TRIM55: variants seen among roughly 807,000 people sequenced by gnomAD.
TRIM55 encodes tripartite motif containing 55, also known as tripartite motif-containing protein 55.
TRIM55 carries 50 observed loss-of-function variants against 60.9 expected under a neutral mutation model. The observed-to-expected ratio is 0.82, with a 90% CI of 0.65 to 1.04. TRIM55 has a LOEUF of 1.04. TRIM55 is among the 50% of genes least tolerant of loss of function. The probability of loss-of-function intolerance (pLI) is 0.00; values close to 1 mark genes in which losing one functional copy is unlikely to be tolerated. For synonymous variants in TRIM55, 237 were observed against 238.1 expected (o/e 1.00, Z 0.04); for missense variants, 681 against 666.9 (o/e 1.02, Z -0.23).
Position 66,174,657 on chromosome 8 carries a change from C to T in TRIM55, c.*64C>T. 6 of 1,472,800 alleles carry T rather than the reference C, an allele frequency of 4.1e-6. No individual in the cohort carries two copies. The highest frequency in any genetic ancestry group is 5.4e-6 in the Non-Finnish European group (6 of 1,114,348). 91.2% of individuals were successfully genotyped at this position (1,472,800 alleles called of 1,614,324 possible). A position where few individuals can be genotyped will look rare whatever the true frequency, so the allele number is the denominator to read the frequency against. On this transcript the variant is annotated 3_prime_UTR_variant, in exon 10 of 10. Transcript: ENST00000315962. ...AGATGCATGTGGGCAGCAGGAAGCC[C>T]AAGTGAAATTAATATTATGCAGATG...
chr8:66,155,700 T>C, intron 9 of TRIM55: 1 of 1,607,678 alleles, frequency 6.2e-7, no homozygotes, highest in East Asian at 2.2e-5. Context: ...GCTTGATTTT[T>C]ACTTTAATGG....
chr8:66,133,855 A>G (rs1809317102), intron 2 of TRIM55, among the ~76,000 whole-genome samples: 1 of 152,186 alleles, frequency 6.6e-6, no homozygotes, highest in African/African-American at 2.4e-5. Context: ...TTACAGTAGG[A>G]AGTGCATTTT....
intron 1 of TRIM55, among the ~76,000 whole-genome samples, chr8:66,127,825 ACT>A (rs1808904883): frequency 1.3e-5 from 2 of 152,148 alleles, no homozygotes; most frequent in South Asian, 2.1e-4. Context: ...ACAGAGCAAG[ACT>A]CTGTCTCAAA....
At position 66,141,240 on chromosome 8, in the gene TRIM55, CA is replaced by C. The variant is rs1400538940; in HGVS notation, c.603+4054del. Among the ~76,000 whole-genome samples the C allele has an allele frequency of 2.0e-5, 3 of 152,300 alleles. No homozygotes were observed. The East Asian group carries it at 5.8e-4, about 29-fold the overall frequency. ...AAGGATTTGAGAATGCCTATAGTTG[CA>C]AAAGGGTGGTTTGAAAGGGGGAGTG... is the stretch of plus-strand genomic sequence containing the variant. On this transcript the variant is annotated intron_variant, in intron 4 of 9. Transcript: ENST00000315962.
chr8:66,141,655 G>C (rs551600144), intron 4 of TRIM55, among the ~76,000 whole-genome samples: 1 of 152,300 alleles, frequency 6.6e-6, no homozygotes, highest in African/African-American at 2.4e-5. Context: ...GTTAATACTG[G>C]CCATCCCAAA....
chr8:66,147,158 C>G (rs1203813034), intron 4 of TRIM55, among the ~76,000 whole-genome samples: 1 of 152,228 alleles, frequency 6.6e-6, no homozygotes, highest in Non-Finnish European at 1.5e-5. Context: ...TCTCAGTGAA[C>G]TGTGAGCTCC....
chr8:66,152,491 CAGG>C lies in TRIM55; in HGVS notation c.1103_1105del (p.Gly368del). The C allele has an allele frequency of 6.2e-7, 1 of 1,614,056 alleles. No individual in the cohort carries two copies. Among genetic ancestry groups the C allele is most frequent in the Non-Finnish European group, 8.5e-7 (1 of 1,180,008 alleles). On this transcript the variant is annotated inframe_deletion, in exon 8 of 10. Coordinates refer to ENST00000315962, the MANE Select transcript of TRIM55 (RefSeq NM_184085.2). ...GTAGAAAATGTTCAAACAGAGTTTC[CAGG>C]AGAAGATGAAAACCCAGAAAAAGCT...
At chr8:66,135,248 A>C in intron 3 of TRIM55, 93 bp downstream of exon 3, 1 of 1,427,692 alleles carries the variant, frequency 7.0e-7, no homozygotes, top group Non-Finnish European at 9.8e-7. Context: ...CCTGCGGTGG[A>C]GGAGGAAGCC....
intron 9 of TRIM55, among the ~76,000 whole-genome samples, chr8:66,170,370 A>G (rs1460855136): frequency 1.3e-5 from 2 of 152,224 alleles, no homozygotes; most frequent in African/African-American, 2.4e-5. Context: ...TTCACTTAGC[A>G]TAAGGTCCTC....
intron 9 of TRIM55, among the ~76,000 whole-genome samples, chr8:66,168,146 A>G (rs996301142): frequency 2.7e-4 from 41 of 152,174 alleles, no homozygotes; most frequent in South Asian, 1.5e-3. Flanking sequence ...ACAGCTCTAC[A>G]TTTCATTCCT....
chr8:66,113,364 G>T, the TRIM55 span: 6 of 377,356 alleles, frequency 1.6e-5, no homozygotes, highest in African/African-American at 1.3e-4. Flanking sequence ...ACACGTACAC[G>T]TCCCTTCGAT....
intron 9 of TRIM55, 38 bp downstream of exon 9, chr8:66,154,372 C>A (rs368108640): frequency 6.3e-7 from 1 of 1,599,458 alleles, no homozygotes; most frequent in African/African-American, 1.3e-5. Context: ...CTTTCCCGCG[C>A]CCCCTAGGGT....
At chr8:66,133,759 T>C (rs925182617) in intron 2 of TRIM55, among the ~76,000 whole-genome samples, 1 of 152,200 alleles carries the variant, frequency 6.6e-6, no homozygotes, top group African/African-American at 2.4e-5. Flanking sequence ...ATCAGCACGT[T>C]CTCTGCCTTT....
chr8:66,151,882 A>AAATTAATT (rs1304119755), intron 7 of TRIM55, among the ~76,000 whole-genome samples: 21 of 146,224 alleles, frequency 1.4e-4, no homozygotes, highest in African/African-American at 4.8e-4. Context: ...ATAAATAAAT[A>AAATTAATT]AATAAATAAA....
At chr8:66,115,568 G>A in the TRIM55 span, among the ~76,000 whole-genome samples, 3 of 152,178 alleles carry the variant, frequency 2.0e-5, no homozygotes, top group South Asian at 2.1e-4. Context: ...GAGGACACAC[G>A]TTTCGGGGAG....
At position 66,144,412 on chromosome 8, in the gene TRIM55, T is replaced by G. The variant is rs558891972; in HGVS notation, c.604-5233T>G. Among the ~76,000 whole-genome samples the G allele has an allele frequency of 2.1e-4, 32 of 152,336 alleles. 2 individuals are homozygous for G. The South Asian group carries it at 5.6e-3, about 27-fold the overall frequency. ...AATATTATAGACAACTTTAATTTGG[T>G]TCTCCCAAGAAGCCAAGAAATATAA... is the stretch of plus-strand genomic sequence containing the variant. On this transcript the variant is annotated intron_variant, in intron 4 of 9. Transcript: ENST00000315962.
At chr8:66,169,712 G>A (rs1193371752) in intron 9 of TRIM55, among the ~76,000 whole-genome samples, 1 of 152,174 alleles carries the variant, frequency 6.6e-6, no homozygotes, top group South Asian at 2.1e-4. Flanking sequence ...CAGCCTTGCA[G>A]CAGGGGCAGC....
At chr8:66,115,978 C>T in the TRIM55 span, among the ~76,000 whole-genome samples, 1 of 152,156 alleles carries the variant, frequency 6.6e-6, no homozygotes, top group South Asian at 2.1e-4. Context: ...GATTCGGACA[C>T]ATTTCAGCAC....
chr8:66,171,721 C>A (rs139523813), intron 9 of TRIM55, among the ~76,000 whole-genome samples: 83 of 152,324 alleles, frequency 5.4e-4, no homozygotes, highest in African/African-American at 1.9e-3. Flanking sequence ...ATACACAACT[C>A]CATCTCGGGA....
Sources: gnomAD v4.1 joint callset for allele counts (sites outside exome capture counted in the v4.1 genomes callset) on GRCh38, gnomAD v4.1.1 for gene constraint, MANE v1.5 for transcripts, NCBI Gene and HGNC (gene_info 2026-07-23, HGNC 2026-07-21) for gene names.